Variants in PDZRN3 observed in about 807,000 individuals in gnomAD.
PDZRN3 encodes PDZ domain containing ring finger 3.
PDZRN3 carries 38 observed loss-of-function variants against 85.7 expected under a neutral mutation model. The observed-to-expected ratio is 0.44, with a 90% CI of 0.34 to 0.58. PDZRN3 has a LOEUF of 0.58. PDZRN3 is among the 20% of genes least tolerant of loss of function. The pLI, the probability that PDZRN3 is intolerant of heterozygous loss-of-function variation, is 0.01. For synonymous variants in PDZRN3, 759 were observed against 638.0 expected (o/e 1.19, Z -2.86); for missense variants, 1,629 against 1,506.4 (o/e 1.08, Z -1.35).
chr3:73,576,896 AT>A (rs778257259), intron 3 of PDZRN3, among the ~76,000 whole-genome samples: 5 of 149,872 alleles, frequency 3.3e-5, no homozygotes, highest in South Asian at 4.1e-4. Context: ...TAAAAAAAAA[AT>A]AACACATTAA....
chr3:73,562,594 C>G (rs541455103), intron 3 of PDZRN3, among the ~76,000 whole-genome samples: 1 of 152,230 alleles, frequency 6.6e-6, no homozygotes, highest in Non-Finnish European at 1.5e-5. Context: ...AAGGTCAGCC[C>G]CGTTAAATGC....
chr3:73,482,161 G>C (rs1405493814), intron 3 of PDZRN3, among the ~76,000 whole-genome samples: 1 of 152,218 alleles, frequency 6.6e-6, no homozygotes, highest in Non-Finnish European at 1.5e-5. Context: ...TAGAAGCAGG[G>C]AAGAGCTAGC....
At chr3:73,386,226 C>CTTTTTTGTTTTTT (rs1701382076) in intron 8 of PDZRN3, among the ~76,000 whole-genome samples, 1 of 90,730 alleles carries the variant, frequency 1.1e-5, no homozygotes, top group Non-Finnish European at 2.1e-5. Flanking sequence ...CAAGATATCA[C>CTTTTTTGTTTTTT]TTTTTTTTTT....
chr3:73,383,590 GCGC>G lies in PDZRN3; in HGVS notation c.2973_2975del (p.Arg992del), dbSNP rs1294024676. ...CCAACCTGCTCTGCATCATGAACTC[GCGC>G]CGCCGCCGCTGCTCCTTGGCCTTCA... On this transcript the variant is annotated inframe_deletion, in exon 10 of 10. Transcript: ENST00000263666. 2 of 1,613,990 alleles carry G rather than the reference GCGC, an allele frequency of 1.2e-6. No homozygotes were observed. The highest frequency in any genetic ancestry group is 1.7e-6 in the Non-Finnish European group (2 of 1,180,018).
At chr3:73,400,801 G>A (rs1267342794) in intron 5 of PDZRN3, 121 bp downstream of exon 5, 3 of 734,816 alleles carry the variant, frequency 4.1e-6, no homozygotes, top group Non-Finnish European at 7.5e-6. Flanking sequence ...CAGTAAAAGT[G>A]GTTCTGCTTT....
chr3:73,387,852 C>A, intron 8 of PDZRN3, 116 bp downstream of exon 8: 1 of 608,776 alleles, frequency 1.6e-6, no homozygotes. Flanking sequence ...ATTACATTTC[C>A]AGGGAACAAA....
intron 5 of PDZRN3, among the ~76,000 whole-genome samples, chr3:73,398,575 GT>G (rs1283496418): frequency 6.6e-6 from 1 of 152,164 alleles, no homozygotes; most frequent in African/African-American, 2.4e-5. Flanking sequence ...GAACAACAGG[GT>G]TCTAGGGAAC....
At chr3:73,559,739 T>C (rs988158897) in intron 3 of PDZRN3, among the ~76,000 whole-genome samples, 2 of 152,184 alleles carry the variant, frequency 1.3e-5, no homozygotes, top group Non-Finnish European at 2.9e-5. Flanking sequence ...AATAAAAACA[T>C]GGATAGTAGA....
chr3:73,464,652 G>A (rs1220065224), intron 3 of PDZRN3, among the ~76,000 whole-genome samples: 6 of 151,822 alleles, frequency 4.0e-5, no homozygotes, highest in Non-Finnish European at 8.8e-5. Context: ...CAAAGATAAA[G>A]GGCATCCTTA....
At position 73,413,356 on chromosome 3, in the gene PDZRN3, T is replaced by C. The variant is rs150713712; in HGVS notation, c.919-8961A>G. Among the ~76,000 whole-genome samples, 684 of 152,332 alleles carry C rather than the reference T, an allele frequency of 4.5e-3. 10 individuals carry two copies. The highest frequency in any genetic ancestry group is 0.016 in the African/African-American group (660 of 41,568). On this transcript the variant is annotated intron_variant, in intron 3 of 9. Coordinates refer to ENST00000263666, the MANE Select transcript of PDZRN3 (RefSeq NM_015009.3). ...GAAAACCCATGAAAAGCAGTTTATA[T>C]TGCAGTCATGTCTATGGGAGGAGCC...
At chr3:73,539,182 A>G (rs1236807236) in intron 3 of PDZRN3, among the ~76,000 whole-genome samples, 1 of 152,152 alleles carries the variant, frequency 6.6e-6, no homozygotes, top group African/African-American at 2.4e-5. Flanking sequence ...CAGACTAGGC[A>G]GTCACCTCAC....
chr3:73,501,507 TGTCA>T (rs1703977235), intron 3 of PDZRN3, among the ~76,000 whole-genome samples: 1 of 152,230 alleles, frequency 6.6e-6, no homozygotes, highest in African/African-American at 2.4e-5. Context: ...ACGATTCGAC[TGTCA>T]GTCTTTCCCA....
chr3:73,425,424 A>G lies in PDZRN3; in HGVS notation c.919-21029T>C, dbSNP rs547671199. On this transcript the variant is annotated intron_variant, in intron 3 of 9. Coordinates refer to ENST00000263666, the MANE Select transcript of PDZRN3 (RefSeq NM_015009.3). ...AAAGTCTAGGGGTAAAGTGTGGCGC[A>G]CAGTGTTTAAACATGCCCTCCTGGT... Among the ~76,000 whole-genome samples the G allele has an allele frequency of 7.2e-5, 11 of 152,190 alleles. No homozygotes were observed. The South Asian group carries it at 2.3e-3, about 32-fold the overall frequency.
At chr3:73,454,914 T>C (rs1441343113) in intron 3 of PDZRN3, among the ~76,000 whole-genome samples, 1 of 152,070 alleles carries the variant, frequency 6.6e-6, no homozygotes, top group Non-Finnish European at 1.5e-5. Flanking sequence ...TTAATTGCGA[T>C]CTTGGTTGGA....
intron 3 of PDZRN3, among the ~76,000 whole-genome samples, chr3:73,405,118 A>C (rs1701827171): frequency 6.6e-6 from 1 of 152,188 alleles, no homozygotes; most frequent in African/African-American, 2.4e-5. Flanking sequence ...AGTCCTGTGA[A>C]GTTGGCAGGA....
chr3:73,503,865 T>C (rs1311143705), intron 3 of PDZRN3, among the ~76,000 whole-genome samples: 2 of 152,222 alleles, frequency 1.3e-5, no homozygotes, highest in African/African-American at 2.4e-5. Context: ...CTCTGACACA[T>C]AGGAAAGAAA....
chr3:73,452,839 C>CTCTGTGTGTGTGTGTG (rs1553690746), intron 3 of PDZRN3, among the ~76,000 whole-genome samples: 8 of 140,618 alleles, frequency 5.7e-5, no homozygotes, highest in African/African-American at 1.6e-4. Context: ...GTCCATATAT[C>CTCTGTGTGTGTGTGTG]TGTGTGTGTG....
At chr3:73,587,657 C>T (rs1280945176) in intron 3 of PDZRN3, among the ~76,000 whole-genome samples, 1 of 152,206 alleles carries the variant, frequency 6.6e-6, no homozygotes, top group Admixed American at 6.5e-5. Flanking sequence ...ATTCTAATCT[C>T]CAAGGACTCT....
At chr3:73,425,716 T>C (rs1014522831) in intron 3 of PDZRN3, among the ~76,000 whole-genome samples, 3 of 152,024 alleles carry the variant, frequency 2.0e-5, no homozygotes, top group Non-Finnish European at 4.4e-5. Flanking sequence ...TTAGGGGCAA[T>C]CTTTATTAAG....
Sources: gnomAD v4.1 joint callset for allele counts (sites outside exome capture counted in the v4.1 genomes callset) on GRCh38, gnomAD v4.1.1 for gene constraint, MANE v1.5 for transcripts, NCBI Gene and HGNC (gene_info 2026-07-23, HGNC 2026-07-21) for gene names.